USP20: variants seen among roughly 807,000 people sequenced by gnomAD.
USP20 encodes ubiquitin specific peptidase 20.
A neutral mutation model predicts 124.2 loss-of-function variants in USP20; 80 were observed. The ratio of observed to expected loss-of-function variants is 0.64; its 90% CI spans 0.54 to 0.78. The LOEUF is 0.78. Among genes scored for constraint, USP20 ranks in the 30% least tolerant of loss-of-function variants. The probability of loss-of-function intolerance (pLI) is 0.00; values close to 1 mark genes in which losing one functional copy is unlikely to be tolerated. For missense variants in USP20, 1,043 were observed against 1,244.4 expected (o/e 0.84, Z 2.44); for synonymous variants, 481 against 512.3 (o/e 0.94, Z 0.83).
chr9:129,857,245 T>C (rs1396111615), intron 4 of USP20, among the ~76,000 whole-genome samples: 1 of 152,148 alleles, frequency 6.6e-6, no homozygotes, highest in Admixed American at 6.5e-5. Flanking sequence ...CTAGATGTTA[T>C]CTCCTGGGCT....
chr9:129,876,076 C>A (rs2034390940), intron 21 of USP20, 54 bp from the exon 22 acceptor site: 10 of 1,490,756 alleles, frequency 6.7e-6, no homozygotes, highest in Middle Eastern at 3.4e-4. Flanking sequence ...TGATCACTCT[C>A]CCCTCCCTGG....
At chr9:129,864,260 G>A (rs2033709695) in intron 9 of USP20, among the ~76,000 whole-genome samples, 1 of 150,462 alleles carries the variant, frequency 6.6e-6, no homozygotes, top group Non-Finnish European at 1.5e-5. Context: ...TTTGAGCCTA[G>A]GAGTTTGAGA....
chr9:129,875,441 G>GC lies in USP20; in HGVS notation c.2184dup (p.Ile729HisfsTer116). The GC allele has an allele frequency of 6.2e-7, 1 of 1,613,592 alleles. No individual in the cohort carries two copies. The highest frequency in any genetic ancestry group is 8.5e-7 in the Non-Finnish European group (1 of 1,179,892). On this transcript the variant is annotated frameshift_variant, in exon 20 of 26. Transcript: ENST00000372429. LOFTEE classifies it high-confidence loss of function. Reference sequence around the variant, plus strand: ...AAGTTCAACACCTTCGCGGAGCCAGGCCCCATCACCAACCAGACCTTCCTC... The same window carrying GC: ...AAGTTCAACACCTTCGCGGAGCCAGGCCCCCATCACCAACCAGACCTTCCTC...
chr9:129,846,255 T>TG, intron 1 of USP20, among the ~76,000 whole-genome samples: 1 of 115,850 alleles, frequency 8.6e-6, no homozygotes, highest in South Asian at 3.3e-4. Context: ...ATATTTTTTT[T>TG]TTTTTTTTTT....
At chr9:129,874,192 C>T (rs2034271749) in intron 17 of USP20, among the ~76,000 whole-genome samples, 1 of 152,000 alleles carries the variant, frequency 6.6e-6, no homozygotes, top group Non-Finnish European at 1.5e-5. Flanking sequence ...AAGGAACAGA[C>T]AAAACCCCAG....
At chr9:129,842,569 C>T (rs981357335) in intron 1 of USP20, among the ~76,000 whole-genome samples, 3 of 151,290 alleles carry the variant, frequency 2.0e-5, no homozygotes, top group Admixed American at 1.3e-4. Flanking sequence ...CCCATGCTTC[C>T]GATATTTTAG....
intron 6 of USP20, among the ~76,000 whole-genome samples, chr9:129,860,362 C>T (rs189092444): frequency 1.3e-5 from 2 of 150,774 alleles, no homozygotes; most frequent in Admixed American, 1.3e-4. Context: ...ACATAAGATA[C>T]ATACAGACTA....
chr9:129,850,432 C>T (rs539509463), intron 2 of USP20, among the ~76,000 whole-genome samples: 8 of 152,244 alleles, frequency 5.3e-5, no homozygotes, highest in South Asian at 2.1e-4. Context: ...GCTGCCTCAA[C>T]GATTGCTGGA....
chr9:129,859,132 G>A (rs899698992), intron 6 of USP20, among the ~76,000 whole-genome samples: 3 of 151,648 alleles, frequency 2.0e-5, no homozygotes, highest in African/African-American at 7.3e-5. Flanking sequence ...CAGCAAGCCT[G>A]TGACCTGGAG....
chr9:129,835,998 A>T (rs2131021854), intron 1 of USP20: 1 of 152,168 alleles, frequency 6.6e-6, no homozygotes, highest in Middle Eastern at 3.4e-3. Flanking sequence ...TTTTGAAGCC[A>T]CGCAAGAGGG....
chr9:129,881,170 G>A lies in USP20; in HGVS notation c.*720G>A, dbSNP rs2034623179. The A allele has an allele frequency of 6.6e-6, 1 of 152,256 alleles. No individual in the cohort carries two copies. The highest frequency in any genetic ancestry group is 6.5e-5 in the Admixed American group (1 of 15,292). The allele number at this position is 152,256 out of a possible 1,614,324, so 9.4% of individuals were successfully genotyped here. A position where few individuals can be genotyped will look rare whatever the true frequency, so the allele number is the denominator to read the frequency against. On this transcript the variant is annotated 3_prime_UTR_variant, in exon 26 of 26. Coordinates refer to ENST00000372429, the MANE Select transcript of USP20 (RefSeq NM_001110303.4). ...CGAAGTTCAGCAGTTCATCTTCATG[G>A]GAAATTTGCTGAGCCCCCACCAGGG...
At chr9:129,876,057 G>A (rs1007874364) in intron 21 of USP20, 73 bp from the exon 22 acceptor site, 4 of 1,346,188 alleles carry the variant, frequency 3.0e-6, no homozygotes, top group Non-Finnish European at 4.1e-6. Flanking sequence ...AGGGGGAAGT[G>A]GAAGGCAGTG....
At chr9:129,862,068 A>T (rs1419848279) in intron 8 of USP20, among the ~76,000 whole-genome samples, 1 of 152,208 alleles carries the variant, frequency 6.6e-6, no homozygotes, top group East Asian at 1.9e-4. Flanking sequence ...TGTGAGCTCC[A>T]TGAGGCCAAG....
At position 129,839,132 on chromosome 9, in the gene USP20, C is replaced by A. The variant is rs2032046466; in HGVS notation, c.-129+3633C>A. On this transcript the variant is annotated intron_variant, in intron 1 of 25. Transcript: ENST00000372429. The surrounding 1 kb of genome is among the most constrained non-coding windows in gnomAD (Gnocchi z 4.5). Reference sequence around the variant, plus strand: ...AGTGTTCAGAGCATGGGCTTCAGGGCAGGTAGTCGTGGGTTCGAATTTTGG... The same window carrying A: ...AGTGTTCAGAGCATGGGCTTCAGGGAAGGTAGTCGTGGGTTCGAATTTTGG... Among the ~76,000 whole-genome samples, 1 of 152,114 alleles carries A rather than the reference C, an allele frequency of 6.6e-6. No homozygotes were observed. Among genetic ancestry groups the A allele is most frequent in the South Asian group, 2.1e-4 (1 of 4,824 alleles).
At chr9:129,856,424 G>C in intron 4 of USP20, 64 bp downstream of exon 4, 1 of 1,534,684 alleles carries the variant, frequency 6.5e-7, no homozygotes, top group South Asian at 1.1e-5. Context: ...GCACTGCACA[G>C]GCTGGTGCAG....
chr9:129,863,282 G>A lies in USP20; in HGVS notation c.594G>A (p.Glu198=). 1.3e-6 allele frequency: 2 copies of A among 1,548,070 alleles called. No individual in the cohort carries two copies. The highest frequency in any genetic ancestry group is 1.7e-6 in the Non-Finnish European group (2 of 1,143,498). The change falls in exon 9 of 26, where the codon GAG becomes GAA. Residue 198 remains glutamate (E), a synonymous_variant. Transcript: ENST00000372429. ...LCKSYQKLVS[E]VWHKKRPSYV... ...AGAGCTACCAGAAGCTGGTCTCTGA[G>A]GTCTGGCATAAGAAACGGTGAGCAG...
chr9:129,854,149 G>A (rs1203341713), intron 3 of USP20, among the ~76,000 whole-genome samples: 1 of 152,192 alleles, frequency 6.6e-6, no homozygotes, highest in Non-Finnish European at 1.5e-5. Context: ...GAAAGAGACT[G>A]ATCCCATTCA....
rs1183889734 is a variant in USP20, at chr9:129,875,344, C to T, written c.2083C>T (p.Gln695Ter). The change falls in exon 20 of 26, where the codon CAG (glutamine) becomes TAG (stop). Residue 695 changes from glutamine (Q) to a stop codon, truncating the protein, a stop_gained. Coordinates refer to ENST00000372429, the MANE Select transcript of USP20 (RefSeq NM_001110303.4). LOFTEE classifies it high-confidence loss of function. ...SSEEAMRERQ[Q>*]VVSLAAMREP... ...CGAGGAGGCCATGCGGGAGCGACAG[C>T]AGGTGGTGTCCCTGGCCGCCATGCG... The T allele has an allele frequency of 6.2e-7, 1 of 1,612,240 alleles. No homozygotes were observed. Among genetic ancestry groups the T allele is most frequent in the Non-Finnish European group, 8.5e-7 (1 of 1,179,550 alleles).
chr9:129,861,494 G>A (rs752399810), intron 7 of USP20, 49 bp from the exon 8 acceptor site: 298 of 1,568,350 alleles, frequency 1.9e-4, no homozygotes, highest in Non-Finnish European at 2.4e-4. Flanking sequence ...AGGTTTCCTC[G>A]GTGGGGCAGG....
Sources: allele counts gnomAD v4.1 joint callset (sites outside exome capture counted in the v4.1 genomes callset), GRCh38; gene constraint gnomAD v4.1.1; non-coding constraint Gnocchi (gnomAD v3.1); transcripts MANE v1.5; gene names NCBI Gene and HGNC (gene_info 2026-07-23, HGNC 2026-07-21).